Variants in IPCEF1 observed in about 807,000 individuals in gnomAD.
IPCEF1 encodes the protein interactor protein for cytohesin exchange factors 1.
IPCEF1 carries 31 observed loss-of-function variants against 50.9 expected under a neutral mutation model. That is an observed-to-expected ratio of 0.61 (90% CI 0.46 to 0.82). The LOEUF is 0.82. Ranked by LOEUF, IPCEF1 falls within the 40% of genes least tolerant of loss-of-function variation. The pLI, the probability that IPCEF1 is intolerant of heterozygous loss-of-function variation, is 0.00. For missense variants in IPCEF1, 458 were observed against 514.0 expected, an observed-to-expected ratio of 0.89 and a Z score of 1.05; for synonymous variants, 181 against 192.0, an observed-to-expected ratio of 0.94 and a Z score of 0.47.
intron 3 of IPCEF1, among the ~76,000 whole-genome samples, chr6:154,258,884 A>G (rs1401450229): frequency 2.6e-5 from 4 of 152,214 alleles, no homozygotes; most frequent in Non-Finnish European, 5.9e-5. Context: ...ACCTAGCCCA[A>G]TGACTGACAT....
intron 1 of IPCEF1, among the ~76,000 whole-genome samples, chr6:154,297,972 G>C (rs929575993): frequency 1.3e-5 from 2 of 152,192 alleles, no homozygotes; most frequent in African/African-American, 4.8e-5. Flanking sequence ...GCTGTTGAGC[G>C]TGAGGTCCCA....
chr6:154,272,026 C>T (rs1332915072), intron 2 of IPCEF1, among the ~76,000 whole-genome samples: 1 of 152,124 alleles, frequency 6.6e-6, no homozygotes, highest in Non-Finnish European at 1.5e-5. Flanking sequence ...AGATTACAGT[C>T]AAGTAGGTTT....
In IPCEF1 at chr6:154,318,518, C is replaced by T. The variant is rs778448856; in HGVS notation, c.-61-28762G>A. Among the ~76,000 whole-genome samples, 5 of 151,872 alleles carry T rather than the reference C, an allele frequency of 3.3e-5. No homozygotes were observed. The South Asian group carries it at 1.0e-3, about 32-fold the overall frequency. ...GAAGGCACAAATCTGCTTTCATTTC[C>T]ACCTTACTAGAATCACGATGTGCTT... On this transcript the variant is annotated intron_variant, in intron 1 of 11. Transcript: ENST00000367220.
intron 5 of IPCEF1, among the ~76,000 whole-genome samples, chr6:154,240,117 T>C (rs114759743): frequency 0.011 from 1,675 of 152,356 alleles, 32 homozygotes; most frequent in African/African-American, 0.037. Flanking sequence ...ATTCTCATTT[T>C]GGTAGAAGTC....
chr6:154,295,894 TACACACACACACACACGC>T (rs1562583551), intron 1 of IPCEF1, among the ~76,000 whole-genome samples: 4 of 106,798 alleles, frequency 3.7e-5, no homozygotes, highest in South Asian at 3.8e-4. Context: ...CACACATGCG[TACACACACACACACACGC>T]ACACACACAC....
Position 154,285,074 on chromosome 6 carries a change from C to T in IPCEF1, c.-18+4639G>A, listed in dbSNP as rs188105963. Among the ~76,000 whole-genome samples the T allele has an allele frequency of 4.6e-5, 7 of 152,306 alleles. No homozygotes were observed. The East Asian group carries it at 1.3e-3, about 29-fold the overall frequency. ...ATAACACCGTCTAGTCTAATAAGAG[C>T]TCCTGTGCCTCATTAAGTATTAACA... On this transcript the variant is annotated intron_variant, in intron 2 of 11. Transcript: ENST00000367220.
intron 2 of IPCEF1, among the ~76,000 whole-genome samples, chr6:154,281,848 C>T (rs1782221369): frequency 6.6e-6 from 1 of 152,028 alleles, no homozygotes; most frequent in Non-Finnish European, 1.5e-5. Flanking sequence ...ACTAAAAATA[C>T]AAAGAATTAG....
chr6:154,211,109 A>G (rs1474525502), intron 9 of IPCEF1, among the ~76,000 whole-genome samples: 1 of 152,182 alleles, frequency 6.6e-6, no homozygotes, highest in Non-Finnish European at 1.5e-5. Flanking sequence ...GACAGGTGTC[A>G]TGGTTCAGTA....
At chr6:154,262,476 T>C (rs1450205918) in intron 3 of IPCEF1, among the ~76,000 whole-genome samples, 4 of 152,250 alleles carry the variant, frequency 2.6e-5, no homozygotes, top group Non-Finnish European at 5.9e-5. Flanking sequence ...CAGTGCCTGA[T>C]GCATGATAGA....
chr6:154,216,120 T>A (rs188468727), intron 7 of IPCEF1, among the ~76,000 whole-genome samples: 2 of 152,136 alleles, frequency 1.3e-5, no homozygotes, highest in Non-Finnish European at 2.9e-5. Context: ...ATTCCAATCA[T>A]AAATATCAAT....
At chr6:154,226,747 C>T (rs1051783469) in intron 5 of IPCEF1, among the ~76,000 whole-genome samples, 1 of 152,144 alleles carries the variant, frequency 6.6e-6, no homozygotes, top group Admixed American at 6.5e-5. Context: ...TGATTAAATA[C>T]CCTGCATGGT....
chr6:154,167,848 A>G (rs1235313722), intron 11 of IPCEF1, 72 bp downstream of exon 11: 1 of 1,148,526 alleles, frequency 8.7e-7, no homozygotes, highest in Non-Finnish European at 1.2e-6. Flanking sequence ...GATTAGCAAG[A>G]ATCTCTCTGC....
chr6:154,264,797 T>C (rs1457239121), intron 3 of IPCEF1, among the ~76,000 whole-genome samples: 1 of 152,186 alleles, frequency 6.6e-6, no homozygotes, highest in Non-Finnish European at 1.5e-5. Context: ...TACGACATTG[T>C]TAGCAAGTCA....
At chr6:154,316,770 C>T (rs964699121) in intron 1 of IPCEF1, among the ~76,000 whole-genome samples, 2 of 152,082 alleles carry the variant, frequency 1.3e-5, no homozygotes, top group African/African-American at 4.8e-5. Context: ...TAAGTGTTCT[C>T]ACAACAAAAA....
intron 3 of IPCEF1, among the ~76,000 whole-genome samples, chr6:154,265,129 C>A (rs551826449): frequency 6.6e-6 from 1 of 152,116 alleles, no homozygotes; most frequent in Non-Finnish European, 1.5e-5. Context: ...TTAGAAATGC[C>A]GTGTTACTAA....
At position 154,323,143 on chromosome 6, in the gene IPCEF1, C is replaced by T. The variant is rs79915494; in HGVS notation, c.-61-33387G>A. ...CTTAGATACCCTGCCCAGTTTCCAA[C>T]TCCCAGCATCTGAGTCCCTTTGCCT... On this transcript the variant is annotated intron_variant, in intron 1 of 11. Coordinates refer to ENST00000367220, the MANE Select transcript of IPCEF1 (RefSeq NM_001130700.2). 9.4e-3 allele frequency among the ~76,000 whole-genome samples: 1,432 copies of T among 152,278 alleles called. 14 individuals are homozygous for T. Among genetic ancestry groups the T allele is most frequent in the Non-Finnish European group, 0.014 (954 of 68,010 alleles).
At chr6:154,355,791 C>A (rs951693346) in intron 1 of IPCEF1, among the ~76,000 whole-genome samples, 2 of 151,402 alleles carry the variant, frequency 1.3e-5, no homozygotes, top group African/African-American at 4.8e-5. Context: ...ACCCGGCATT[C>A]TATTTTCTAT....
chr6:154,292,972 G>A (rs1226811909), intron 1 of IPCEF1, among the ~76,000 whole-genome samples: 3 of 152,096 alleles, frequency 2.0e-5, no homozygotes, highest in Non-Finnish European at 4.4e-5. Flanking sequence ...ACATTCCAAA[G>A]CAATGAAAAC....
chr6:154,277,293 C>T (rs561131811), intron 2 of IPCEF1, among the ~76,000 whole-genome samples: 3 of 152,322 alleles, frequency 2.0e-5, no homozygotes, highest in Non-Finnish European at 4.4e-5. Context: ...CTAAAACACA[C>T]CTATTTATTC....
Sources: allele counts gnomAD v4.1 joint callset (sites outside exome capture counted in the v4.1 genomes callset), GRCh38; gene constraint gnomAD v4.1.1; transcripts MANE v1.5; gene names NCBI Gene and HGNC (gene_info 2026-07-23, HGNC 2026-07-21).